WT1: variants seen among roughly 807,000 people sequenced by gnomAD.
WT1 encodes the protein WT1 transcription factor, also known as Wilms tumor protein.
WT1 carries 8 observed loss-of-function variants against 60.8 expected under a neutral mutation model. That is an observed-to-expected ratio of 0.13 (90% confidence interval 0.08 to 0.24). WT1 has a LOEUF of 0.24. Among genes scored for constraint, WT1 ranks in the 10% least tolerant of loss-of-function variants. The pLI is 1.00. For synonymous variants in WT1, 312 were observed against 297.1 expected (o/e 1.05, Z -0.52); for missense variants, 568 against 711.8 (o/e 0.80, Z 2.30).
chr11:32,427,831 C>G (rs973485236), intron 3 of WT1, 125 bp downstream of exon 3: 1 of 748,262 alleles, frequency 1.3e-6, no homozygotes, highest in Non-Finnish European at 2.1e-6. Flanking sequence ...CGAGGCGTCT[C>G]GTGCCTCCAA....
intron 5 of WT1, among the ~76,000 whole-genome samples, chr11:32,406,523 T>C (rs1354986111): frequency 6.6e-6 from 1 of 152,112 alleles, no homozygotes; most frequent in Non-Finnish European, 1.5e-5. Context: ...TACCGGTCCA[T>C]GGCCCGGGGG....
chr11:32,434,626 AG>A (rs1454014363), intron 1 of WT1, 73 bp downstream of exon 1: 12 of 1,607,002 alleles, frequency 7.5e-6, no homozygotes, highest in Non-Finnish European at 9.3e-6. Flanking sequence ...GGGGTAGGAG[AG>A]GGGGGTGTCC....
intron 3 of WT1, among the ~76,000 whole-genome samples, chr11:32,425,090 A>T (rs548596477): frequency 6.6e-6 from 1 of 151,986 alleles, no homozygotes; most frequent in South Asian, 2.1e-4. Flanking sequence ...AGGCACAAGA[A>T]TCACTTGAAT....
chr11:32,415,643 G>A (rs5030219), intron 5 of WT1, among the ~76,000 whole-genome samples: 14,742 of 152,218 alleles, frequency 0.097, 1,064 homozygotes, highest in African/African-American at 0.2. Context: ...GCTAAACTCC[G>A]TCTCAAAAAG....
At chr11:32,412,249 G>C (rs1199186866) in intron 5 of WT1, among the ~76,000 whole-genome samples, 1 of 152,168 alleles carries the variant, frequency 6.6e-6, no homozygotes, top group Non-Finnish European at 1.5e-5. Flanking sequence ...AAAACGCACA[G>C]CTTTGTTTTC....
intron 1 of WT1, among the ~76,000 whole-genome samples, chr11:32,430,256 G>A (rs1853234680): frequency 2.0e-5 from 3 of 152,092 alleles, no homozygotes; most frequent in Admixed American, 2.0e-4. Context: ...TCCTGCATGG[G>A]CGAGCACGTT....
rs1484892213 is a variant in WT1 at position 32,428,036 on chromosome 11, C to A, written c.807G>T (p.Pro269=). 4.4e-6 allele frequency: 7 copies of A among 1,608,696 alleles called. No homozygotes were observed. The highest frequency in any genetic ancestry group is 5.9e-6 in the Non-Finnish European group (7 of 1,177,074). The stretch of plus-strand genomic sequence containing the variant: ...GGGTGTGGCAGCCATAGACCGGGGG[C>A]GGCACCGAGTACTGCTGCTCACCTG... The change falls in exon 3 of 10, where the codon CCG becomes CCT. Residue 269 remains proline, a synonymous_variant. Transcript: ENST00000452863.
At chr11:32,427,816 G>A in intron 3 of WT1, 140 bp downstream of exon 3, 4 of 621,384 alleles carry the variant, frequency 6.4e-6, no homozygotes, top group Non-Finnish European at 5.5e-6. Context: ...GTAGTAGAGT[G>A]GAGTCGAGGC....
intron 5 of WT1, among the ~76,000 whole-genome samples, chr11:32,415,186 A>G (rs1590370939): frequency 6.6e-6 from 1 of 152,236 alleles, no homozygotes; most frequent in Admixed American, 6.5e-5. Flanking sequence ...AGCATGAAGA[A>G]GTTTTTGAAA....
In WT1 at chr11:32,427,953, T is replaced by C. The variant is rs745678220; in HGVS notation, c.887+3A>G. On this transcript the variant is annotated splice_donor_region_variant and intron_variant, in intron 3 of 9. Transcript: ENST00000452863. ...CCAGACGCAGAGCCCAGCGCCTTCCTACCTGCTGTAGGGCGTCCTCAGCAG... is the reference window on the plus strand; with the variant it reads ...CCAGACGCAGAGCCCAGCGCCTTCCCACCTGCTGTAGGGCGTCCTCAGCAG... 6.2e-7 allele frequency: 1 copy of C among 1,608,260 alleles called. No homozygotes were observed. Among genetic ancestry groups the C allele is most frequent in the Non-Finnish European group, 8.5e-7 (1 of 1,177,686 alleles).
chr11:32,430,913 G>A (rs889613153), intron 1 of WT1: 41 of 1,091,470 alleles, frequency 3.8e-5, no homozygotes, highest in Non-Finnish European at 4.6e-5. Context: ...GCCTGGCGCG[G>A]AGAGTGCGGG....
At position 32,388,753 on chromosome 11, in the gene WT1, C is replaced by A; in HGVS notation, c.*305G>T. 2 of 475,778 alleles carry A rather than the reference C, an allele frequency of 4.2e-6. No homozygotes were observed. The highest frequency in any genetic ancestry group is 4.9e-5 in the South Asian group (2 of 40,418). The allele number at this position is 475,778 out of a possible 1,614,324, so 29.5% of individuals were successfully genotyped here. On this transcript the variant is annotated 3_prime_UTR_variant, in exon 10 of 10. Coordinates refer to ENST00000452863, the MANE Select transcript of WT1 (RefSeq NM_024426.6). Reference sequence around the variant, plus strand: ...AAAAAGAAGGGAAGGGTCAGGGGGACATGATCAGCTATGGCTCTTCTTACA... The same window carrying A: ...AAAAAGAAGGGAAGGGTCAGGGGGAAATGATCAGCTATGGCTCTTCTTACA...
chr11:32,404,498 G>T (rs987586420), intron 5 of WT1, among the ~76,000 whole-genome samples: 1 of 151,978 alleles, frequency 6.6e-6, no homozygotes, highest in Admixed American at 6.6e-5. Context: ...GGGCAGGCAG[G>T]TAAAGTCACG....
chr11:32,417,462 G>C, intron 4 of WT1, 115 bp downstream of exon 4: 1 of 936,810 alleles, frequency 1.1e-6, no homozygotes, highest in South Asian at 1.4e-5. Context: ...ATGTCACAGA[G>C]AGCTTTGCCC....
chr11:32,415,573 G>A (rs1564986211), intron 5 of WT1, among the ~76,000 whole-genome samples: 1 of 152,202 alleles, frequency 6.6e-6, no homozygotes. Context: ...GCTTGAACCC[G>A]GGAGGTGGAG....
intron 5 of WT1, among the ~76,000 whole-genome samples, chr11:32,411,178 C>A (rs1448794816): frequency 6.6e-6 from 1 of 152,074 alleles, no homozygotes; most frequent in Non-Finnish European, 1.5e-5. Context: ...CTTCTCCATC[C>A]CAACCTTTCT....
chr11:32,430,678 A>C, intron 1 of WT1: 1 of 1,431,114 alleles, frequency 7.0e-7, no homozygotes. Context: ...GCACCCCAGA[A>C]CTCGGGCCCA....
intron 3 of WT1, among the ~76,000 whole-genome samples, chr11:32,425,573 T>C (rs1362990609): frequency 1.3e-5 from 2 of 152,194 alleles, no homozygotes; most frequent in African/African-American, 4.8e-5. Context: ...CATTCATCTT[T>C]AGACTGCAAG....
Position 32,416,558 on chromosome 11 carries a change from G to T in WT1, c.966-18C>A. ...CAGCAACTCTAGAAAAGAAGAAGAG[G>T]TGGGGAGTGGGGAATGGAGCATGCA... On this transcript the variant is annotated intron_variant, in intron 4 of 9. Coordinates refer to ENST00000452863, the MANE Select transcript of WT1 (RefSeq NM_024426.6). 6.2e-7 allele frequency: 1 copy of T among 1,614,082 alleles called. No individual in the cohort carries two copies.
Sources: gnomAD v4.1 joint callset for allele counts (sites outside exome capture counted in the v4.1 genomes callset) on GRCh38, gnomAD v4.1.1 for gene constraint, MANE v1.5 for transcripts, NCBI Gene and HGNC (gene_info 2026-07-23, HGNC 2026-07-21) for gene names.